The following RIN2 variants were observed in gnomAD, a reference collection of about 807,000 sequenced individuals.
RIN2 encodes the protein Ras and Rab interactor 2, also known as RAB5 interacting protein 2.
In RIN2, 36 loss-of-function variants were observed where a neutral mutation model predicts 78.0. The ratio of observed to expected loss-of-function variants is 0.46; its 90% CI spans 0.35 to 0.61. RIN2 has a LOEUF of 0.61. Ranked by LOEUF, RIN2 falls within the 20% of genes least tolerant of loss-of-function variation. The probability of loss-of-function intolerance (pLI) is 0.00; values close to 1 mark genes in which losing one functional copy is unlikely to be tolerated. For synonymous variants in RIN2, 466 were observed against 466.8 expected, an observed-to-expected ratio of 1.00 and a Z score of 0.02; for missense variants, 1,087 against 1,159.7, an observed-to-expected ratio of 0.94 and a Z score of 0.91.
chr20:19,758,064 C>T (rs2033446113), upstream of RIN2: 1 of 152,446 alleles, frequency 6.6e-6, no homozygotes, highest in African/African-American at 2.4e-5. Flanking sequence ...ACCCCCGCCC[C>T]ATCTCCTCTG....
At chr20:19,792,331 C>A (rs2034913149) in intron 1 of RIN2, among the ~76,000 whole-genome samples, 1 of 152,216 alleles carries the variant, frequency 6.6e-6, no homozygotes, top group African/African-American at 2.4e-5. Flanking sequence ...AAGTATATAA[C>A]ATGCTTTACC....
In RIN2 at chr20:19,933,433, C is replaced by T. The variant is rs187418134; in HGVS notation, c.58-1666C>T. ...TAAAAAAGACTTGCCCTGACCAACCCGCCCTGATCTGTTTGGCCCCTTTGT... is the reference window on the plus strand; with the variant it reads ...TAAAAAAGACTTGCCCTGACCAACCTGCCCTGATCTGTTTGGCCCCTTTGT... On this transcript the variant is annotated intron_variant, in intron 3 of 12. Coordinates refer to ENST00000255006, the MANE Select transcript of RIN2 (RefSeq NM_018993.4). Among the ~76,000 whole-genome samples the T allele has an allele frequency of 2.3e-3, 353 of 152,286 alleles. 6 individuals carry two copies. The highest frequency in any genetic ancestry group is 0.019 in the Admixed American group (287 of 15,288).
At chr20:19,940,037 T>C (rs1442411586) in intron 4 of RIN2, among the ~76,000 whole-genome samples, 2 of 152,088 alleles carry the variant, frequency 1.3e-5, no homozygotes, top group East Asian at 3.9e-4. Flanking sequence ...TGTATTTTAG[T>C]GGAGACATTT....
chr20:19,917,450 G>A (rs1368862733), intron 3 of RIN2, among the ~76,000 whole-genome samples: 2 of 152,188 alleles, frequency 1.3e-5, no homozygotes, highest in Non-Finnish European at 2.9e-5. Context: ...TTCCTAAAAT[G>A]ATAATAGTTA....
chr20:19,929,605 G>A (rs965561267), intron 3 of RIN2, among the ~76,000 whole-genome samples: 9 of 152,074 alleles, frequency 5.9e-5, no homozygotes, highest in South Asian at 2.1e-4. Flanking sequence ...CAAGTGAACC[G>A]CCCACCTCAG....
At chr20:19,978,190 C>T (rs1303978838) in intron 9 of RIN2, among the ~76,000 whole-genome samples, 2 of 152,098 alleles carry the variant, frequency 1.3e-5, no homozygotes, top group Admixed American at 6.5e-5. Context: ...ATCCTCATTT[C>T]CTATAGCTTC....
In RIN2 at chr20:19,819,158, C is replaced by A. The variant is rs571554600; in HGVS notation, c.-37+19411C>A. The stretch of plus-strand genomic sequence containing the variant: ...GGCTGCCGTAACAAAATACCATAGG[C>A]TGGGTGGCTTAAACAACAGAAATGT... On this transcript the variant is annotated intron_variant, in intron 2 of 12. Coordinates refer to ENST00000255006, the MANE Select transcript of RIN2 (RefSeq NM_018993.4). 3.9e-5 allele frequency among the ~76,000 whole-genome samples: 6 copies of A among 152,336 alleles called. No individual in the cohort carries two copies. In the South Asian group the frequency reaches 8.3e-4, roughly 21 times the overall value.
intron 4 of RIN2, among the ~76,000 whole-genome samples, chr20:19,943,535 C>A (rs1451172299): frequency 6.6e-6 from 1 of 152,142 alleles, no homozygotes; most frequent in Non-Finnish European, 1.5e-5. Flanking sequence ...AAATCTGTAA[C>A]CCCAAATATG....
At chr20:19,967,635 C>T (rs1478621353) in intron 7 of RIN2, among the ~76,000 whole-genome samples, 1 of 152,166 alleles carries the variant, frequency 6.6e-6, no homozygotes, top group Non-Finnish European at 1.5e-5. Context: ...CCTTCACCCC[C>T]AATGCCTGGC....
chr20:19,974,720 C>T lies in RIN2; in HGVS notation c.695C>T (p.Ser232Phe), dbSNP rs566968975. The change falls in exon 9 of 13, where the codon TCC becomes TTC. Residue 232 changes from serine (S) to phenylalanine (F), a missense_variant. By Grantham distance (155) the Ser-to-Phe change is radical. Transcript: ENST00000255006. Reference sequence around the variant, plus strand: ...CCACCTCCCCATAGGCCTCTTTCCTCCGACGGTGTCTGTCCTGCCTCCCTG... The same window carrying T: ...CCACCTCCCCATAGGCCTCTTTCCTTCGACGGTGTCTGTCCTGCCTCCCTG... ...NLPPPHRPLS[S>F]DGVCPASLRQ... 21 of 1,614,062 alleles carry T rather than the reference C, an allele frequency of 1.3e-5. No homozygotes were observed. Among genetic ancestry groups the T allele is most frequent in the African/African-American group, 1.2e-4 (9 of 75,064 alleles).
At chr20:19,808,615 C>G (rs1399120526) in intron 2 of RIN2, among the ~76,000 whole-genome samples, 1 of 152,212 alleles carries the variant, frequency 6.6e-6, no homozygotes, top group Non-Finnish European at 1.5e-5. Flanking sequence ...GGTTGGTGGG[C>G]CCCTGTTTGT....
intron 2 of RIN2, chr20:19,888,993 C>T (rs948628248): frequency 5.2e-5 from 17 of 328,270 alleles, no homozygotes; most frequent in Non-Finnish European, 7.0e-5. Flanking sequence ...TACATGTTGT[C>T]CTCTTCCGTG....
At chr20:19,954,179 G>C (rs6136896) in intron 4 of RIN2, among the ~76,000 whole-genome samples, 1 of 152,144 alleles carries the variant, frequency 6.6e-6, no homozygotes, top group Non-Finnish European at 1.5e-5. Flanking sequence ...CCACCTCTTA[G>C]GAGTAGAGTT....
chr20:19,966,839 C>G (rs2041955305), intron 7 of RIN2, among the ~76,000 whole-genome samples: 1 of 152,066 alleles, frequency 6.6e-6, no homozygotes, highest in African/African-American at 2.4e-5. Context: ...ATCTCTTAAG[C>G]CTGTGTAAGG....
chr20:19,795,701 T>A (rs988019293), intron 1 of RIN2, among the ~76,000 whole-genome samples: 1 of 152,130 alleles, frequency 6.6e-6, no homozygotes, highest in African/African-American at 2.4e-5. Context: ...TAGAGTGCCA[T>A]TGTGTCAAAT....
At chr20:19,870,636 G>C (rs997666809) in intron 2 of RIN2, among the ~76,000 whole-genome samples, 1 of 152,130 alleles carries the variant, frequency 6.6e-6, no homozygotes, top group Non-Finnish European at 1.5e-5. Flanking sequence ...TATAGCATTA[G>C]ACTCTTTCAA....
intron 2 of RIN2, among the ~76,000 whole-genome samples, chr20:19,834,499 G>A (rs960294955): frequency 7.2e-5 from 11 of 152,144 alleles, no homozygotes; most frequent in African/African-American, 1.2e-4. Flanking sequence ...CACCCAGTGC[G>A]ACGCTCTGGT....
At chr20:19,874,463 A>G (rs535143424) in intron 2 of RIN2, among the ~76,000 whole-genome samples, 2 of 151,454 alleles carry the variant, frequency 1.3e-5, no homozygotes, top group South Asian at 4.1e-4. Context: ...TTGTGGCTCA[A>G]AGAAAGACAG....
intron 2 of RIN2, among the ~76,000 whole-genome samples, chr20:19,850,339 C>A (rs1465908542): frequency 6.6e-6 from 1 of 152,184 alleles, no homozygotes; most frequent in African/African-American, 2.4e-5. Context: ...CAGTCTGCAG[C>A]TCCTCCGTGC....
Sources: allele counts gnomAD v4.1 joint callset (sites outside exome capture counted in the v4.1 genomes callset), GRCh38; gene constraint gnomAD v4.1.1; transcripts MANE v1.5; gene names NCBI Gene and HGNC (gene_info 2026-07-23, HGNC 2026-07-21).